MTCL1: variants seen among roughly 807,000 people sequenced by gnomAD.
MTCL1 encodes microtubule crosslinking factor 1.
MTCL1 carries 79 observed loss-of-function variants against 141.4 expected under a neutral mutation model. The ratio of observed to expected loss-of-function variants is 0.56; its 90% CI spans 0.47 to 0.67. MTCL1 has a LOEUF of 0.67. Ranked by LOEUF, MTCL1 falls within the 30% of genes least tolerant of loss-of-function variation. The pLI, the probability that MTCL1 is intolerant of heterozygous loss-of-function variation, is 0.00. For missense variants in MTCL1, 2,177 were observed against 2,113.9 expected (o/e 1.03, Z -0.59); for synonymous variants, 914 against 875.8 (o/e 1.04, Z -0.77).
chr18:8,715,017 T>G (rs60683394), upstream of MTCL1, among the ~76,000 whole-genome samples: 23 of 152,210 alleles, frequency 1.5e-4, no homozygotes, highest in Non-Finnish European at 2.9e-4. Flanking sequence ...AGGATGGTCT[T>G]GATCTCCTGA....
exon 1 of MTCL1, chr18:8,706,522 G>A (rs1279899001): frequency 3.0e-6 from 4 of 1,336,766 alleles, no homozygotes; most frequent in Non-Finnish European, 3.8e-6. Context: ...CATCCCGAGC[G>A]GGGTTTCGGG....
chr18:8,796,508 T>G (rs759704208), intron 9 of MTCL1, 46 bp downstream of exon 8: 4 of 1,587,784 alleles, frequency 2.5e-6, no homozygotes, highest in Middle Eastern at 1.7e-4. Flanking sequence ...GTTTTGTCCT[T>G]GACCCCAGAC....
At chr18:8,706,430 G>T in exon 1 of MTCL1, 1 of 1,227,118 alleles carries the variant, frequency 8.1e-7, no homozygotes, top group Non-Finnish European at 1.0e-6. Context: ...CCCGCAGCCC[G>T]AGGAGCGCCG....
chr18:8,796,363 G>A, exon 9 of MTCL1: 1 of 1,614,198 alleles, frequency 6.2e-7, no homozygotes, highest in South Asian at 1.1e-5. Flanking sequence ...TCCGGTCCTT[G>A]AAGCAGAACA....
chr18:8,778,417 G>A (rs2096520336), intron 5 of MTCL1, among the ~76,000 whole-genome samples: 1 of 152,188 alleles, frequency 6.6e-6, no homozygotes, highest in African/African-American at 2.4e-5. Context: ...CTGTTTTACT[G>A]GATTCTGTTT....
chr18:8,830,200 T>C lies in MTCL1; in HGVS notation c.*18+1236T>C. On this transcript the variant is annotated intron_variant, in intron 16 of 16. Transcript: ENST00000359865. The surrounding 1 kb of genome is among the most constrained non-coding windows in gnomAD (Gnocchi z 6.4). ...GGAGCACCTTGGGTTAGTCTGCATC[T>C]TGGTGGCTGGTGGCGCTGGTGGAGT... 1 of 985,706 alleles carries C rather than the reference T, an allele frequency of 1.0e-6. No individual in the cohort carries two copies. The highest frequency in any genetic ancestry group is 1.2e-6 in the Non-Finnish European group (1 of 830,124). The allele number at this position is 985,706 out of a possible 1,614,324, so 61.1% of individuals were successfully genotyped here.
chr18:8,756,973 T>G (rs1002378280), intron 4 of MTCL1, among the ~76,000 whole-genome samples: 1 of 152,110 alleles, frequency 6.6e-6, no homozygotes, highest in African/African-American at 2.4e-5. Flanking sequence ...ACCCTAGTGA[T>G]GAGTGAGGGG....
chr18:8,773,191 G>A (rs2096491946), intron 4 of MTCL1, among the ~76,000 whole-genome samples: 1 of 152,030 alleles, frequency 6.6e-6, no homozygotes, highest in Non-Finnish European at 1.5e-5. Flanking sequence ...CTCAGAGGTG[G>A]AATTACACCT....
In MTCL1 at chr18:8,734,652, C is replaced by T. The variant is rs547423382; in HGVS notation, c.357+14156C>T. 2.6e-5 allele frequency among the ~76,000 whole-genome samples: 4 copies of T among 152,282 alleles called. 1 individual carries two copies. Among genetic ancestry groups the T allele is most frequent in the Admixed American group, 2.6e-4 (4 of 15,300 alleles). On this transcript the variant is annotated intron_variant, in intron 4 of 16. Transcript: ENST00000359865. ...CGGCAGTGCCAGGAGCAGGTTTTGA[C>T]AAGTGGTTTCTTGTGCCGTCACTTT...
At chr18:8,751,321 A>C (rs572721214) in intron 4 of MTCL1, among the ~76,000 whole-genome samples, 2 of 152,266 alleles carry the variant, frequency 1.3e-5, no homozygotes, top group East Asian at 3.9e-4. Context: ...GTCTGTTTTA[A>C]GTTTTGCATG....
At chr18:8,741,761 G>A (rs76337439) in intron 4 of MTCL1, among the ~76,000 whole-genome samples, 1,583 of 152,294 alleles carry the variant, frequency 0.01, 28 homozygotes, top group African/African-American at 0.036. Flanking sequence ...GGACTTGGTG[G>A]CCATCCAGGA....
At chr18:8,790,813 G>A (rs536420224) in intron 7 of MTCL1, among the ~76,000 whole-genome samples, 8 of 152,230 alleles carry the variant, frequency 5.3e-5, no homozygotes, top group Admixed American at 3.3e-4. Flanking sequence ...TCAGGAGTTC[G>A]AGACCAGCCT....
intron 12 of MTCL1, among the ~76,000 whole-genome samples, chr18:8,817,992 G>T (rs949448426): frequency 6.6e-6 from 1 of 152,236 alleles, no homozygotes; most frequent in Admixed American, 6.5e-5. Context: ...CAAGCCATTT[G>T]CCTGCCTGCC....
At chr18:8,772,925 A>T (rs73939534) in intron 4 of MTCL1, among the ~76,000 whole-genome samples, 4,475 of 152,186 alleles carry the variant, frequency 0.029, 191 homozygotes, top group East Asian at 0.079. Context: ...ATAAAATAAT[A>T]AAAATAATAA....
At chr18:8,786,413 A>G in intron 7 of MTCL1, 1 of 556,614 alleles carries the variant, frequency 1.8e-6, no homozygotes, top group South Asian at 1.6e-5. Context: ...GTCCAGTCGC[A>G]GAGAAAGAAG....
chr18:8,830,486 G>T lies in MTCL1; in HGVS notation c.*19-1121G>T. The T allele has an allele frequency of 2.0e-6, 2 of 985,864 alleles. No homozygotes were observed. Among genetic ancestry groups the T allele is most frequent in the Non-Finnish European group, 2.4e-6 (2 of 830,276 alleles). The allele number at this position is 985,864 out of a possible 1,614,324, so 61.1% of individuals were successfully genotyped here. A position where few individuals can be genotyped will look rare whatever the true frequency, so the allele number is the denominator to read the frequency against. On this transcript the variant is annotated intron_variant, in intron 16 of 16. Coordinates refer to ENST00000359865, the Ensembl canonical transcript of MTCL1. The surrounding 1 kb of genome is among the most constrained non-coding windows in gnomAD (Gnocchi z 6.4). ...TCTCTGCCGTGTTCCATCTTCTCCCGAGTGACACTGCCCATTCCGTGCAGC... is the reference window on the plus strand; with the variant it reads ...TCTCTGCCGTGTTCCATCTTCTCCCTAGTGACACTGCCCATTCCGTGCAGC...
At chr18:8,773,747 TTTAG>T (rs1226326272) in intron 4 of MTCL1, among the ~76,000 whole-genome samples, 2 of 152,222 alleles carry the variant, frequency 1.3e-5, no homozygotes, top group Non-Finnish European at 2.9e-5. Context: ...TCACAATATG[TTTAG>T]TTGTTTCACC....
At chr18:8,832,768 C>G (rs1264429575) in exon 17 of MTCL1, 2 of 152,170 alleles carry the variant, frequency 1.3e-5, no homozygotes, top group Non-Finnish European at 2.9e-5. Context: ...TAAAGCCCTT[C>G]TGAGATGGCA....
At chr18:8,726,263 G>C (rs1038173257) in intron 4 of MTCL1, among the ~76,000 whole-genome samples, 3 of 144,958 alleles carry the variant, frequency 2.1e-5, no homozygotes, top group African/African-American at 7.6e-5. Context: ...TATTGGCTTG[G>C]GATAGCTTTT....
Sources: gnomAD v4.1 joint callset for allele counts (sites outside exome capture counted in the v4.1 genomes callset) on GRCh38, gnomAD v4.1.1 for gene constraint, Gnocchi (gnomAD v3.1) non-coding constraint, MANE v1.5 for transcripts, NCBI Gene and HGNC (gene_info 2026-07-23, HGNC 2026-07-21) for gene names.